ALG14: variants seen among roughly 807,000 people sequenced by gnomAD.
ALG14 encodes the protein UDP-N-acetylglucosamine transferase subunit ALG14.
Under a neutral mutation model 22.8 loss-of-function variants are expected in ALG14, and 17 were observed. The ratio of observed to expected loss-of-function variants is 0.75; its 90% confidence interval spans 0.51 to 1.12. The LOEUF (loss-of-function observed/expected upper bound fraction) is 1.12, where lower values mean the gene tolerates loss of function less well. Ranked by LOEUF, ALG14 falls within the 50% of genes most tolerant of loss-of-function variation. The pLI, the probability that ALG14 is intolerant of heterozygous loss-of-function variation, is 0.00. For missense variants in ALG14, 288 were observed against 271.8 expected (o/e 1.06, Z -0.42); for synonymous variants, 89 against 103.7 (o/e 0.86, Z 0.86).
chr1:95,045,858 A>C (rs563997273), intron 2 of ALG14, among the ~76,000 whole-genome samples: 6 of 148,798 alleles, frequency 4.0e-5, no homozygotes, highest in African/African-American at 1.5e-4. Context: ...TAATAGAATT[A>C]GTATACTAAT....
chr1:95,018,256 C>G (rs1673559019), intron 3 of ALG14, among the ~76,000 whole-genome samples: 1 of 152,044 alleles, frequency 6.6e-6, no homozygotes. Context: ...TATGAGGTGG[C>G]CAGGCGCGGT....
At chr1:95,049,078 C>T (rs971891572) in intron 2 of ALG14, among the ~76,000 whole-genome samples, 1 of 151,948 alleles carries the variant, frequency 6.6e-6, no homozygotes, top group African/African-American at 2.4e-5. Context: ...ATGCAGGCCA[C>T]CTCTAACATT....
intron 2 of ALG14, among the ~76,000 whole-genome samples, chr1:95,047,531 A>G (rs1674602703): frequency 6.6e-6 from 1 of 152,012 alleles, no homozygotes; most frequent in Admixed American, 6.6e-5. Context: ...TTTGGTAGAC[A>G]CGGGGTTTCA....
chr1:95,000,565 A>G (rs1311166271), intron 3 of ALG14, among the ~76,000 whole-genome samples: 1 of 148,926 alleles, frequency 6.7e-6, no homozygotes, highest in African/African-American at 2.5e-5. Context: ...AAAAAGAAAT[A>G]TATTTCCTGT....
At chr1:94,987,446 A>G (rs1255478669) in intron 3 of ALG14, among the ~76,000 whole-genome samples, 1 of 152,214 alleles carries the variant, frequency 6.6e-6, no homozygotes, top group Non-Finnish European at 1.5e-5. Flanking sequence ...CTCTAAAAGC[A>G]GGAAGTCTAA....
chr1:95,071,245 G>A (rs1218012889), intron 1 of ALG14, among the ~76,000 whole-genome samples: 2 of 152,120 alleles, frequency 1.3e-5, no homozygotes, highest in Non-Finnish European at 1.5e-5. Flanking sequence ...AGCAGCAATT[G>A]CTTTATAAAG....
chr1:95,005,967 A>AT (rs1345752914), intron 3 of ALG14, among the ~76,000 whole-genome samples: 2 of 152,038 alleles, frequency 1.3e-5, no homozygotes. Context: ...GAAAGGCAAA[A>AT]TTTTTTTTGC....
intron 3 of ALG14, among the ~76,000 whole-genome samples, chr1:95,014,282 G>C (rs1673444261): frequency 6.6e-6 from 1 of 152,298 alleles, no homozygotes; most frequent in African/African-American, 2.4e-5. Flanking sequence ...GAACTATTCT[G>C]TTGGACATCC....
At chr1:95,007,082 G>C (rs12739445) in intron 3 of ALG14, among the ~76,000 whole-genome samples, 11,516 of 152,238 alleles carry the variant, frequency 0.076, 502 homozygotes, top group Non-Finnish European at 0.099. Flanking sequence ...ACAGAGGAGG[G>C]GGGTGGGGAT....
chr1:94,991,685 T>G lies in ALG14; in HGVS notation c.421-8379A>C, dbSNP rs150069749. ...TGAACACTGTACACTTAGCCCACAC[T>G]AAGTTTATGAAAACATTTTTGTTCT... On this transcript the variant is annotated intron_variant, in intron 3 of 3. Transcript: ENST00000370205. Among the ~76,000 whole-genome samples the G allele has an allele frequency of 8.4e-3, 1,273 of 152,334 alleles. 9 individuals are homozygous for G. Among genetic ancestry groups the G allele is most frequent in the Non-Finnish European group, 0.014 (936 of 68,020 alleles).
intron 3 of ALG14, among the ~76,000 whole-genome samples, chr1:95,005,704 T>G (rs1673200129): frequency 6.6e-6 from 1 of 152,182 alleles, no homozygotes; most frequent in African/African-American, 2.4e-5. Context: ...GACCCCGTCC[T>G]CCTAGAGTTC....
intron 2 of ALG14, among the ~76,000 whole-genome samples, chr1:95,033,196 T>C (rs1416335196): frequency 6.6e-6 from 1 of 151,958 alleles, no homozygotes; most frequent in Non-Finnish European, 1.5e-5. Context: ...AGATGCCTGC[T>C]CCATCATTTT....
chr1:95,036,456 T>C (rs868037961), intron 2 of ALG14, among the ~76,000 whole-genome samples: 4 of 124,188 alleles, frequency 3.2e-5, no homozygotes, highest in African/African-American at 6.4e-5. Context: ...AGATGGAGTC[T>C]CACTCTGTTG....
intron 3 of ALG14, among the ~76,000 whole-genome samples, chr1:95,002,448 A>G (rs1296137280): frequency 6.6e-6 from 1 of 152,156 alleles, no homozygotes; most frequent in African/African-American, 2.4e-5. Flanking sequence ...ATGAACATAA[A>G]AACGCCAGGA....
At chr1:95,008,577 G>C (rs1347322397) in intron 3 of ALG14, among the ~76,000 whole-genome samples, 1 of 151,972 alleles carries the variant, frequency 6.6e-6, no homozygotes, top group East Asian at 1.9e-4. Context: ...GTAATCTGTA[G>C]AATAAAAAAA....
chr1:95,035,201 CTCTT>C (rs1571632183), intron 2 of ALG14, among the ~76,000 whole-genome samples: 1 of 151,452 alleles, frequency 6.6e-6, no homozygotes, highest in Non-Finnish European at 1.5e-5. Context: ...TTTGTTTTCT[CTCTT>C]TCTTCTCTGT....
intron 2 of ALG14, among the ~76,000 whole-genome samples, chr1:95,038,322 C>T: frequency 6.6e-6 from 1 of 152,096 alleles, no homozygotes; most frequent in East Asian, 1.9e-4. Flanking sequence ...AACCTTGTCT[C>T]TACTAAAAAT....
At chr1:95,050,266 G>A (rs998054607) in intron 2 of ALG14, among the ~76,000 whole-genome samples, 4 of 152,174 alleles carry the variant, frequency 2.6e-5, no homozygotes, top group Non-Finnish European at 5.9e-5. Flanking sequence ...TTAAATTATA[G>A]AGAGATAGTT....
In ALG14 at chr1:94,983,174, C is replaced by T. The variant is rs1161150435; in HGVS notation, c.553G>A (p.Gly185Arg). Residue 185 changes from glycine to arginine, a missense_variant, in exon 4 of 4, where the codon GGA becomes AGA. Physicochemically the swap from Gly to Arg is moderately radical, Grantham distance 125. Transcript: ENST00000370205. ...ICRVETLSMS[G>R]KILFHLSDYF... is the part of the protein sequence containing the mutation. The stretch of plus-strand genomic sequence containing the variant: ...TCTGAGAGATGAAACAGAATCTTTC[C>T]GGACATGGATAACGTTTCTACACGG... 3.1e-6 allele frequency: 5 copies of T among 1,614,054 alleles called. No individual in the cohort carries two copies. Among genetic ancestry groups the T allele is most frequent in the Non-Finnish European group, 4.2e-6 (5 of 1,180,012 alleles).
Sources: gnomAD v4.1 joint callset for allele counts (sites outside exome capture counted in the v4.1 genomes callset) on GRCh38, gnomAD v4.1.1 for gene constraint, MANE v1.5 for transcripts, NCBI Gene and HGNC (gene_info 2026-07-23, HGNC 2026-07-21) for gene names.